The following TOPAZ1 variants were observed in gnomAD, a reference collection of about 807,000 sequenced individuals.
The protein encoded by TOPAZ1 is protein TOPAZ1.
In TOPAZ1, 66 loss-of-function variants were observed where a neutral mutation model predicts 172.2. The ratio of observed to expected loss-of-function variants is 0.38; its 90% CI spans 0.31 to 0.47. The LOEUF (loss-of-function observed/expected upper bound fraction) is 0.47. Ranked by LOEUF, TOPAZ1 falls within the 20% of genes least tolerant of loss-of-function variation. The probability of loss-of-function intolerance (pLI) is 0.99; values close to 1 mark genes in which losing one functional copy is unlikely to be tolerated. For missense variants in TOPAZ1, 1,822 were observed against 1,972.4 expected, an observed-to-expected ratio of 0.92 and a Z score of 1.44; for synonymous variants, 681 against 683.9, an observed-to-expected ratio of 1.00 and a Z score of 0.07.
intron 12 of TOPAZ1, among the ~76,000 whole-genome samples, chr3:44,296,290 C>CAT (rs1164915018): frequency 6.6e-6 from 1 of 151,890 alleles, no homozygotes; most frequent in Non-Finnish European, 1.5e-5. Flanking sequence ...AAAATAAACT[C>CAT]AAAGTAAGCA....
chr3:44,242,120 C>G lies in TOPAZ1; in HGVS notation c.67C>G (p.Gln23Glu). ...GCCTGAAGGCAATGTGCGAAACCTG[C>G]AGAAGCGGCAGGCGCCAGGGCCAGG... ...SGPEGNVRNL[Q>E]KRQAPGPGAA... Residue 23 changes from glutamine to glutamate, a missense_variant, in exon 1 of 20, where the codon CAG (glutamine) becomes GAG (glutamate). By Grantham distance (29) the Gln-to-Glu change is conservative. This residue lies in a region of TOPAZ1 where 1,489 missense variants were observed against 1,490.8 expected (regional missense o/e 1.00). Coordinates refer to ENST00000309765, the MANE Select transcript of TOPAZ1 (RefSeq NM_001145030.2). The G allele has an allele frequency of 6.5e-7, 1 of 1,548,896 alleles. No homozygotes were observed. Among genetic ancestry groups the G allele is most frequent in the South Asian group, 1.2e-5 (1 of 83,958 alleles).
At position 44,241,900 on chromosome 3, in the gene TOPAZ1, G is replaced by C; in HGVS notation, c.-154G>C. The C allele has an allele frequency of 1.4e-6, 1 of 720,736 alleles. No homozygotes were observed. Among genetic ancestry groups the C allele is most frequent in the Non-Finnish European group, 2.2e-6 (1 of 459,742 alleles). The allele number at this position is 720,736 out of a possible 1,614,324, so 44.6% of individuals were successfully genotyped here. ...CACGAGGCCCCACTTCCGCTTACGCGCCCCACTTCCGCTTCCGGCCCCGGG... is the reference window on the plus strand; with the variant it reads ...CACGAGGCCCCACTTCCGCTTACGCCCCCCACTTCCGCTTCCGGCCCCGGG... On this transcript the variant is annotated 5_prime_UTR_variant, in exon 1 of 20. Transcript: ENST00000309765.
At chr3:44,304,942 G>A (rs1700317710) in intron 13 of TOPAZ1, among the ~76,000 whole-genome samples, 1 of 152,122 alleles carries the variant, frequency 6.6e-6, no homozygotes, top group East Asian at 1.9e-4. Flanking sequence ...ATTTATAGAG[G>A]CTTTACTATA....
At chr3:44,270,943 G>T in intron 8 of TOPAZ1, 133 bp downstream of exon 8, 1 of 764,474 alleles carries the variant, frequency 1.3e-6, no homozygotes, top group Non-Finnish European at 1.9e-6. Context: ...TATATAAATG[G>T]AATCATATGT....
intron 5 of TOPAZ1, among the ~76,000 whole-genome samples, chr3:44,265,630 T>C (rs1043306681): frequency 6.6e-6 from 1 of 152,238 alleles, no homozygotes; most frequent in Admixed American, 6.5e-5. Context: ...GGTGACAAGA[T>C]ACATTGTCAA....
At chr3:44,296,474 A>G (rs888396496) in intron 12 of TOPAZ1, among the ~76,000 whole-genome samples, 2 of 151,966 alleles carry the variant, frequency 1.3e-5, no homozygotes, top group Non-Finnish European at 2.9e-5. Context: ...GAATGAGACC[A>G]GGGTTATCAG....
chr3:44,257,355 GTGTGTGTGTGTGTGT>G (rs1559527676), intron 4 of TOPAZ1, among the ~76,000 whole-genome samples: 326 of 29,634 alleles, frequency 0.011, 2 homozygotes, highest in African/African-American at 0.037. Context: ...ACATAGGGGT[GTGTGTGTGTGTGTGT>G]GTGTGTGTGT....
chr3:44,283,697 TTC>T (rs1178345811), intron 9 of TOPAZ1, among the ~76,000 whole-genome samples: 1 of 152,062 alleles, frequency 6.6e-6, no homozygotes, highest in Admixed American at 6.6e-5. Flanking sequence ...TTTTCATTTG[TTC>T]TCTCTCTCCT....
intron 16 of TOPAZ1, 51 bp downstream of exon 16, chr3:44,310,041 AT>A: frequency 6.8e-7 from 1 of 1,465,780 alleles, no homozygotes; most frequent in Non-Finnish European, 9.2e-7. Context: ...CTTGTCATGC[AT>A]TTTTGTCTAT....
At chr3:44,312,057 A>G (rs1446029248) in intron 16 of TOPAZ1, among the ~76,000 whole-genome samples, 4 of 152,154 alleles carry the variant, frequency 2.6e-5, no homozygotes, top group African/African-American at 9.7e-5. Flanking sequence ...AGGTATGCAT[A>G]TTAAATTATC....
intron 12 of TOPAZ1, among the ~76,000 whole-genome samples, chr3:44,300,204 G>A (rs1262737932): frequency 2.0e-5 from 3 of 151,970 alleles, no homozygotes; most frequent in Non-Finnish European, 4.4e-5. Flanking sequence ...AGGCCGAGGT[G>A]GGCAGATCAC....
chr3:44,320,288 T>TAGAC (rs10662338), intron 16 of TOPAZ1, among the ~76,000 whole-genome samples: 126,134 of 151,896 alleles, frequency 0.83, 52,437 homozygotes, highest in Middle Eastern at 0.91. Flanking sequence ...GTTTTTAAAA[T>TAGAC]AGAAAGTGTT....
At chr3:44,305,118 T>C in intron 13 of TOPAZ1, 29 bp from the exon 14 acceptor site, 1 of 1,439,748 alleles carries the variant, frequency 6.9e-7, no homozygotes, top group Non-Finnish European at 9.3e-7. Flanking sequence ...TCTTTTTCTT[T>C]TTTGTTTTGT....
chr3:44,244,407 G>A lies in TOPAZ1; in HGVS notation c.1901G>A (p.Gly634Glu). ...SLTGNKKKAR[G>E]NLTKLNLTAT... is the part of the protein sequence containing the mutation. ...ACGGGAAATAAAAAAAAAGCTAGAG[G>A]AAATTTAACGAAACTTAATTTGACA... The change falls in exon 2 of 20, where the codon GGA (glycine) becomes GAA (glutamate). Residue 634 changes from glycine (G) to glutamate (E), a missense_variant. Transcript: ENST00000309765. 1 of 1,551,180 alleles carries A rather than the reference G, an allele frequency of 6.4e-7. No individual in the cohort carries two copies. Among genetic ancestry groups the A allele is most frequent in the Non-Finnish European group, 8.7e-7 (1 of 1,146,864 alleles).
At chr3:44,318,919 A>G (rs1700480629) in intron 16 of TOPAZ1, among the ~76,000 whole-genome samples, 1 of 151,550 alleles carries the variant, frequency 6.6e-6, no homozygotes, top group South Asian at 2.1e-4. Flanking sequence ...TTGCGGGCAC[A>G]GAAACCACAA....
chr3:44,300,132 T>G (rs1294557781), intron 12 of TOPAZ1, among the ~76,000 whole-genome samples: 4 of 148,424 alleles, frequency 2.7e-5, no homozygotes, highest in South Asian at 4.3e-4. Flanking sequence ...AAATAAAAAA[T>G]AAAAAAAAAG....
At chr3:44,281,305 A>G (rs1330839118) in intron 8 of TOPAZ1, among the ~76,000 whole-genome samples, 1 of 152,242 alleles carries the variant, frequency 6.6e-6, no homozygotes, top group Admixed American at 6.5e-5. Context: ...GTCCAAGGCC[A>G]GGTCTTCAGG....
chr3:44,262,513 T>A, intron 5 of TOPAZ1, 30 bp downstream of exon 5: 1 of 1,142,212 alleles, frequency 8.8e-7, no homozygotes, highest in Non-Finnish European at 1.3e-6. Context: ...ATTACATAAC[T>A]TAAAATAGTC....
rs1339659375 is a variant in TOPAZ1, at chr3:44,254,964, A to G, written c.2766-4A>G. On this transcript the variant is annotated splice_region_variant and splice_polypyrimidine_tract_variant and intron_variant, in intron 2 of 19. Transcript: ENST00000309765. Reference sequence around the variant, plus strand: ...ATGTTTAAGCTCTGTTTGCTTTATAATAGAGAACTTCCTGTACTGGACTGT... The same window carrying G: ...ATGTTTAAGCTCTGTTTGCTTTATAGTAGAGAACTTCCTGTACTGGACTGT... 3 of 1,548,798 alleles carry G rather than the reference A, an allele frequency of 1.9e-6. No homozygotes were observed. The highest frequency in any genetic ancestry group is 2.7e-5 in the African/African-American group (2 of 73,008).
Sources: gnomAD v4.1 joint callset for allele counts (sites outside exome capture counted in the v4.1 genomes callset) on GRCh38, gnomAD v4.1.1 for gene constraint, gnomAD v4.1.1 regional missense constraint, MANE v1.5 for transcripts, NCBI Gene and HGNC (gene_info 2026-07-23, HGNC 2026-07-21) for gene names.